Variants in CIAO2A observed in about 807,000 individuals in gnomAD.
CIAO2A encodes the protein MIP18 family protein FAM96A.
CIAO2A carries 17 observed loss-of-function variants against 22.4 expected under a neutral mutation model. The ratio of observed to expected loss-of-function variants is 0.76; its 90% CI spans 0.52 to 1.14. The LOEUF is 1.14. Among genes scored for constraint, CIAO2A ranks in the 50% most tolerant of loss-of-function variants. CIAO2A has a pLI of 0.00. For synonymous variants in CIAO2A, 74 were observed against 72.3 expected (o/e 1.02, Z -0.12); for missense variants, 192 against 191.4 (o/e 1.00, Z -0.02).
At chr15:64,081,058 G>C (rs1371477417) in intron 3 of CIAO2A, 44 bp downstream of exon 3, 1 of 1,567,548 alleles carries the variant, frequency 6.4e-7, no homozygotes, top group East Asian at 2.2e-5. Flanking sequence ...TCTCAACAAA[G>C]CTGTTTTACA....
intron 2 of CIAO2A, among the ~76,000 whole-genome samples, chr15:64,081,906 G>A (rs1349299890): frequency 1.3e-5 from 2 of 152,048 alleles, no homozygotes; most frequent in Admixed American, 1.3e-4. Context: ...ACAAGTCAAA[G>A]CCATTTTAAA....
rs1007902553 is a variant in CIAO2A, at chr15:64,072,854, A to G, written c.*77T>C. ...GGTACAAATCACCTATGTATTAAAC[A>G]TGAGTCTCTGACATTATACAAAGAG... On this transcript the variant is annotated 3_prime_UTR_variant, in exon 5 of 5. Coordinates refer to ENST00000300030, the MANE Select transcript of CIAO2A (RefSeq NM_032231.7). The G allele has an allele frequency of 1.1e-6, 1 of 934,512 alleles. No individual in the cohort carries two copies. The highest frequency in any genetic ancestry group is 1.7e-6 in the Non-Finnish European group (1 of 593,326). The allele number at this position is 934,512 out of a possible 1,614,324, so 57.9% of individuals were successfully genotyped here.
chr15:64,093,587 C>G, intron 1 of CIAO2A, 58 bp downstream of exon 1: 1 of 1,550,580 alleles, frequency 6.4e-7, no homozygotes, highest in South Asian at 1.2e-5. Context: ...ATCCCCGCAC[C>G]CCTCAGCTCC....
rs910211818 is a variant in CIAO2A at position 64,085,714 on chromosome 15, C to CT, written c.289+2972dup. 6.0e-3 allele frequency among the ~76,000 whole-genome samples: 880 copies of CT among 146,054 alleles called. 4 individuals are homozygous for CT. Among genetic ancestry groups the CT allele is most frequent in the African/African-American group, 0.012 (473 of 40,074 alleles). On this transcript the variant is annotated intron_variant, in intron 2 of 4. Coordinates refer to ENST00000300030, the MANE Select transcript of CIAO2A (RefSeq NM_032231.7). Reference sequence around the variant, plus strand: ...GGAATTTTAGCCCAGAGCATATATTCTTTTTTTTTTTTGAGACGGAGTCTC... The same window carrying CT: ...GGAATTTTAGCCCAGAGCATATATTCTTTTTTTTTTTTTGAGACGGAGTCTC...
intron 3 of CIAO2A, among the ~76,000 whole-genome samples, chr15:64,075,908 C>G (rs571889842): frequency 1.2e-4 from 18 of 151,806 alleles, no homozygotes; most frequent in Non-Finnish European, 2.2e-4. Flanking sequence ...GGTGATCCGC[C>G]TCGGCTTCCC....
Position 64,082,466 on chromosome 15 carries a change from G to C in CIAO2A, c.290-1315C>G, listed in dbSNP as rs1052564649. Among the ~76,000 whole-genome samples, 3 of 152,122 alleles carry C rather than the reference G, an allele frequency of 2.0e-5. No homozygotes were observed. In the East Asian group the frequency reaches 5.8e-4, roughly 29 times the overall value. ...TGGTCTTGAACTTCTGACCTCAAGT[G>C]ATCTGCCCGCCTCGGCCTCCCAAAG... is the stretch of plus-strand genomic sequence containing the variant. On this transcript the variant is annotated intron_variant, in intron 2 of 4. Coordinates refer to ENST00000300030, the MANE Select transcript of CIAO2A (RefSeq NM_032231.7).
At chr15:64,093,087 T>G (rs1395339462) in intron 1 of CIAO2A, among the ~76,000 whole-genome samples, 1 of 152,192 alleles carries the variant, frequency 6.6e-6, no homozygotes, top group Non-Finnish European at 1.5e-5. Flanking sequence ...TGTGTGTGCG[T>G]TATGTGTGTG....
intron 3 of CIAO2A, among the ~76,000 whole-genome samples, chr15:64,077,141 A>G (rs1008053260): frequency 6.6e-6 from 1 of 151,808 alleles, no homozygotes; most frequent in Non-Finnish European, 1.5e-5. Flanking sequence ...TAAAACCCCA[A>G]CTCTACTAAA....
Position 64,083,665 on chromosome 15 carries a change from G to A in CIAO2A, c.290-2514C>T, listed in dbSNP as rs572485205. On this transcript the variant is annotated intron_variant, in intron 2 of 4. Coordinates refer to ENST00000300030, the MANE Select transcript of CIAO2A (RefSeq NM_032231.7). The stretch of plus-strand genomic sequence containing the variant: ...CAATTCTCTAAAAAACCAATAGGCC[G>A]GGTGTGGCAGCTCACACTTGTAATC... Among the ~76,000 whole-genome samples, 12 of 152,206 alleles carry A rather than the reference G, an allele frequency of 7.9e-5. No homozygotes were observed. The East Asian group carries it at 1.5e-3, about 20-fold the overall frequency.
In CIAO2A at chr15:64,075,504, T is replaced by C; in HGVS notation, c.373A>G (p.Thr125Ala). Reference sequence around the variant, plus strand: ...AACATTCACTTACTGTCTTCTTCTGTTGAGTGGGTTCCTTCAGAAATGTAG... The same window carrying C: ...AACATTCACTTACTGTCTTCTTCTGCTGAGTGGGTTCCTTCAGAAATGTAG... Reference protein sequence around the residue: ...EIYISEGTHSTEEDINKQIND... With the variant: ...EIYISEGTHSAEEDINKQIND... Residue 125 changes from threonine to alanine, a missense_variant, in exon 4 of 5, where the codon ACA becomes GCA. By Grantham distance (58) the Thr-to-Ala change is moderately conservative. Coordinates refer to ENST00000300030, the MANE Select transcript of CIAO2A (RefSeq NM_032231.7). The C allele has an allele frequency of 1.3e-6, 2 of 1,587,278 alleles. No individual in the cohort carries two copies. The highest frequency in any genetic ancestry group is 1.7e-6 in the Non-Finnish European group (2 of 1,165,682).
Position 64,081,065 on chromosome 15 carries a change from T to TACA in CIAO2A, c.339+34_339+36dup, listed in dbSNP as rs368559610. On this transcript the variant is annotated intron_variant, in intron 3 of 4. Transcript: ENST00000300030. ...GAATTATATCTCAACAAAGCTGTTT[T>TACA]ACAACAACAACAACAACAAAAATAC... 4.4e-4 allele frequency: 698 copies of TACA among 1,595,672 alleles called. 1 individual carries two copies. The African/African-American group carries it at 5.3e-3, about 12-fold the overall frequency.
Position 64,091,483 on chromosome 15 carries a change from CAA to C in CIAO2A, c.124+2160_124+2161del, listed in dbSNP as rs35800673. ...CTGGGTGACAGAAGAGACTCTGTCTCAAAAAAAAAAAAAAAAGAAAGAAAGAA... is the reference window on the plus strand; with the variant it reads ...CTGGGTGACAGAAGAGACTCTGTCTCAAAAAAAAAAAAAAGAAAGAAAGAA... On this transcript the variant is annotated intron_variant, in intron 1 of 4. Coordinates refer to ENST00000300030, the MANE Select transcript of CIAO2A (RefSeq NM_032231.7). 5.9e-3 allele frequency among the ~76,000 whole-genome samples: 712 copies of C among 121,418 alleles called. 8 individuals carry two copies. Among genetic ancestry groups the C allele is most frequent in the Admixed American group, 0.027 (333 of 12,166 alleles). The allele number at this position is 121,418 out of a possible 152,430, so 79.7% of individuals were successfully genotyped here.
intron 3 of CIAO2A, among the ~76,000 whole-genome samples, chr15:64,076,897 C>A (rs575157353): frequency 6.6e-6 from 1 of 151,904 alleles, no homozygotes; most frequent in African/African-American, 2.4e-5. Context: ...GTAGAGACCG[C>A]GTATCGCCAT....
intron 2 of CIAO2A, among the ~76,000 whole-genome samples, chr15:64,083,659 T>C (rs961640169): frequency 7.2e-5 from 11 of 152,034 alleles, no homozygotes; most frequent in African/African-American, 1.7e-4. Flanking sequence ...AAAAAACCAA[T>C]AGGCCGGGTG....
chr15:64,084,435 G>A (rs541057851), intron 2 of CIAO2A, among the ~76,000 whole-genome samples: 214 of 152,084 alleles, frequency 1.4e-3, no homozygotes, highest in Non-Finnish European at 2.7e-3. Context: ...ATTATTCCAC[G>A]TATAGGAATT....
chr15:64,079,825 A>G (rs1455877589), intron 3 of CIAO2A, among the ~76,000 whole-genome samples: 1 of 152,218 alleles, frequency 6.6e-6, no homozygotes, highest in Non-Finnish European at 1.5e-5. Flanking sequence ...GACTTTATGA[A>G]AATTTAAAAC....
chr15:64,093,153 G>A (rs938994738), intron 1 of CIAO2A, among the ~76,000 whole-genome samples: 1 of 152,228 alleles, frequency 6.6e-6, no homozygotes, highest in Non-Finnish European at 1.5e-5. Flanking sequence ...GGGGACCTCT[G>A]CTTACTGACT....
rs2080864887 is a variant in CIAO2A at position 64,093,723 on chromosome 15, G to A, written c.46C>T (p.Leu16=). 1.9e-6 allele frequency: 3 copies of A among 1,614,048 alleles called. No homozygotes were observed. The highest frequency in any genetic ancestry group is 2.5e-6 in the Non-Finnish European group (3 of 1,179,958). Residue 16 remains leucine (L), a synonymous_variant, in exon 1 of 5, where the codon CTG becomes TTG. Transcript: ENST00000300030. Reference sequence around the variant, plus strand: ...GGCTCAGAGAGGCCGGAGAGCCACAGGACTCTGCTCAGCGTCCAGGAGAGC... The same window carrying A: ...GGCTCAGAGAGGCCGGAGAGCCACAAGACTCTGCTCAGCGTCCAGGAGAGC... ...GLLSWTLSRV[L]WLSGLSEPGA...
chr15:64,086,388 G>A (rs1328616153), intron 2 of CIAO2A, among the ~76,000 whole-genome samples: 2 of 151,806 alleles, frequency 1.3e-5, no homozygotes, highest in Non-Finnish European at 2.9e-5. Flanking sequence ...CTCCAGCCTG[G>A]GTGACAAGAG....
Sources: gnomAD v4.1 joint callset for allele counts (sites outside exome capture counted in the v4.1 genomes callset) on GRCh38, gnomAD v4.1.1 for gene constraint, MANE v1.5 for transcripts, NCBI Gene and HGNC (gene_info 2026-07-23, HGNC 2026-07-21) for gene names.